Variants in WWOX observed in about 807,000 individuals in gnomAD.
The protein encoded by WWOX is WW domain containing oxidoreductase, also known as WW domain-containing oxidoreductase.
WWOX carries 69 observed loss-of-function variants against 46.2 expected under a neutral mutation model. The observed-to-expected ratio is 1.49, with a 90% confidence interval of 1.23 to 1.82. The LOEUF (loss-of-function observed/expected upper bound fraction) is 1.82, where lower values mean the gene tolerates loss of function less well. Ranked by LOEUF, WWOX falls within the 40% of genes most tolerant of loss-of-function variation. WWOX has a pLI of 0.00. For missense variants in WWOX, 919 were observed against 542.6 expected (o/e 1.69, Z -6.89); for synonymous variants, 359 against 202.6 (o/e 1.77, Z -6.56).
At chr16:78,372,404 G>C (rs1784752071) in intron 5 of WWOX, among the ~76,000 whole-genome samples, 1 of 152,186 alleles carries the variant, frequency 6.6e-6, no homozygotes, top group Non-Finnish European at 1.5e-5. Context: ...AGTAGAGACA[G>C]AATATCAGTA....
intron 8 of WWOX, among the ~76,000 whole-genome samples, chr16:78,934,563 A>G (rs567030918): frequency 6.6e-6 from 1 of 151,266 alleles, no homozygotes; most frequent in African/African-American, 2.4e-5. Context: ...AGAAACTTAC[A>G]GAGAACATGA....
rs182693902 is a variant in WWOX at position 78,632,806 on chromosome 16, C to G, written c.1056+200054C>G. Among the ~76,000 whole-genome samples the G allele has an allele frequency of 2.2e-3, 331 of 152,062 alleles. 1 individual carries two copies. Among genetic ancestry groups the G allele is most frequent in the African/African-American group, 7.7e-3 (320 of 41,514 alleles). On this transcript the variant is annotated intron_variant, in intron 8 of 8. Coordinates refer to ENST00000566780, the MANE Select transcript of WWOX (RefSeq NM_016373.4). ...CTCCTGACCTCAGGTGATCCACCCG[C>G]CTCAGCCTCCCACAGTGCTGGGGTT...
chr16:78,759,586 G>T (rs139079785), intron 8 of WWOX, among the ~76,000 whole-genome samples: 3 of 152,202 alleles, frequency 2.0e-5, no homozygotes, highest in African/African-American at 4.8e-5. Flanking sequence ...ACCCTCTAAA[G>T]AATTCTCAAT....
intron 6 of WWOX, among the ~76,000 whole-genome samples, chr16:78,423,710 G>A (rs1467048576): frequency 1.3e-5 from 2 of 151,936 alleles, no homozygotes; most frequent in East Asian, 1.9e-4. Context: ...GCCATGCATG[G>A]TGGTGTGCCC....
At chr16:78,586,314 G>C (rs1337023021) in intron 8 of WWOX, among the ~76,000 whole-genome samples, 1 of 152,160 alleles carries the variant, frequency 6.6e-6, no homozygotes, top group South Asian at 2.1e-4. Flanking sequence ...AAAGAGGTTT[G>C]GTGCCAGGAC....
intron 8 of WWOX, among the ~76,000 whole-genome samples, chr16:78,852,254 A>G (rs1479058718): frequency 6.6e-6 from 1 of 152,132 alleles, no homozygotes; most frequent in South Asian, 2.1e-4. Flanking sequence ...ATTGCAGTAT[A>G]TTTCTCTTCT....
intron 8 of WWOX, among the ~76,000 whole-genome samples, chr16:78,451,338 G>C (rs2083686916): frequency 1.3e-5 from 2 of 152,188 alleles, no homozygotes; most frequent in African/African-American, 4.8e-5. Context: ...AGAAGATAAA[G>C]ATAATAAAAC....
intron 8 of WWOX, among the ~76,000 whole-genome samples, chr16:79,028,796 C>T (rs979283696): frequency 6.6e-6 from 1 of 151,704 alleles, no homozygotes; most frequent in Non-Finnish European, 1.5e-5. Context: ...GGTTTGCTTA[C>T]ATAGATGGAG....
chr16:78,368,088 G>A (rs1239641800), intron 5 of WWOX, among the ~76,000 whole-genome samples: 1 of 152,150 alleles, frequency 6.6e-6, no homozygotes, highest in Admixed American at 6.6e-5. Flanking sequence ...TTTTTGAGCA[G>A]ATTTCGCTGC....
intron 8 of WWOX, among the ~76,000 whole-genome samples, chr16:78,649,253 G>C (rs1428859172): frequency 2.0e-5 from 3 of 152,144 alleles, no homozygotes; most frequent in African/African-American, 7.2e-5. Context: ...CCGAAGTGCT[G>C]GGATTACAGG....
chr16:78,115,189 T>G, intron 4 of WWOX, 35 bp downstream of exon 4: 2 of 1,612,256 alleles, frequency 1.2e-6, no homozygotes, highest in Non-Finnish European at 1.7e-6. Flanking sequence ...TCTTTGGGAC[T>G]GCTATAATGA....
Position 78,901,935 on chromosome 16 carries a change from G to A in WWOX, c.1057-309673G>A, listed in dbSNP as rs147973820. On this transcript the variant is annotated intron_variant, in intron 8 of 8. Coordinates refer to ENST00000566780, the MANE Select transcript of WWOX (RefSeq NM_016373.4). ...GCGTCCCTCCGCACCTCACTGTTGG[G>A]CTGATCAATCCCATTCCCACTCCAT... 3.3e-5 allele frequency among the ~76,000 whole-genome samples: 5 copies of A among 152,310 alleles called. No individual in the cohort carries two copies. The East Asian group carries it at 9.7e-4, about 29-fold the overall frequency.
chr16:79,168,299 T>A (rs34646562), intron 8 of WWOX, among the ~76,000 whole-genome samples: 7,905 of 152,286 alleles, frequency 0.052, 391 homozygotes, highest in Non-Finnish European at 0.066. Flanking sequence ...TTTGATGAAC[T>A]GACAAACTGC....
chr16:78,893,582 C>G (rs2044637565), intron 8 of WWOX, among the ~76,000 whole-genome samples: 1 of 152,188 alleles, frequency 6.6e-6, no homozygotes, highest in African/African-American at 2.4e-5. Context: ...GCCCACATGG[C>G]TGCCATTTTA....
intron 8 of WWOX, among the ~76,000 whole-genome samples, chr16:78,884,569 G>T (rs1239399370): frequency 1.3e-5 from 2 of 152,178 alleles, no homozygotes; most frequent in Non-Finnish European, 2.9e-5. Context: ...CAGAGATGAT[G>T]TTGAGAGAAA....
At chr16:78,647,343 A>G (rs1404715800) in intron 8 of WWOX, among the ~76,000 whole-genome samples, 1 of 152,120 alleles carries the variant, frequency 6.6e-6, no homozygotes, top group African/African-American at 2.4e-5. Flanking sequence ...GCTGCAGACC[A>G]TTGTTTAGCC....
At chr16:78,476,715 T>G (rs1433161477) in intron 8 of WWOX, among the ~76,000 whole-genome samples, 1 of 152,214 alleles carries the variant, frequency 6.6e-6, no homozygotes, top group Non-Finnish European at 1.5e-5. Flanking sequence ...AATTATAAGC[T>G]AGCTAATTGC....
At chr16:78,851,832 C>A (rs1423325942) in intron 8 of WWOX, among the ~76,000 whole-genome samples, 1 of 152,208 alleles carries the variant, frequency 6.6e-6, no homozygotes, top group Non-Finnish European at 1.5e-5. Flanking sequence ...TGCATTTTCA[C>A]AAGTAATGTA....
intron 8 of WWOX, among the ~76,000 whole-genome samples, chr16:78,493,389 C>G (rs2084833672): frequency 6.6e-6 from 1 of 152,176 alleles, no homozygotes; most frequent in South Asian, 2.1e-4. Flanking sequence ...TTAGGCGTGG[C>G]TTGATTTATG....
Sources: gnomAD v4.1 joint callset for allele counts (sites outside exome capture counted in the v4.1 genomes callset) on GRCh38, gnomAD v4.1.1 for gene constraint, MANE v1.5 for transcripts, NCBI Gene and HGNC (gene_info 2026-07-23, HGNC 2026-07-21) for gene names.